The following AEBP2 variants were observed in gnomAD, a reference collection of about 807,000 sequenced individuals.
AEBP2 encodes zinc finger protein AEBP2.
A neutral mutation model predicts 50.8 loss-of-function variants in AEBP2; 10 were observed. The ratio of observed to expected loss-of-function variants is 0.20; its 90% CI spans 0.12 to 0.33. The LOEUF is 0.33. Ranked by LOEUF, AEBP2 falls within the 10% of genes least tolerant of loss-of-function variation. AEBP2 has a pLI of 1.00. For synonymous variants in AEBP2, 296 were observed against 261.3 expected (o/e 1.13, Z -1.28); for missense variants, 570 against 688.0 (o/e 0.83, Z 1.92).
At chr12:19,440,533 C>T in intron 1 of AEBP2, 163 bp downstream of exon 1, 1 of 1,379,386 alleles carries the variant, frequency 7.2e-7, no homozygotes, top group Non-Finnish European at 9.4e-7. Flanking sequence ...GCCGCCGCGC[C>T]CCTCTCGCAG....
intron 1 of AEBP2, chr12:19,457,512 G>A: frequency 6.7e-7 from 1 of 1,486,194 alleles, no homozygotes; most frequent in East Asian, 2.3e-5. Flanking sequence ...CATCTCAGCA[G>A]CCTCCTTCTC....
chr12:19,411,025 G>A (rs1319066976), intron 1 of AEBP2, among the ~76,000 whole-genome samples: 2 of 152,046 alleles, frequency 1.3e-5, no homozygotes, highest in African/African-American at 4.8e-5. Context: ...CAATGATTAA[G>A]TTCACTGGCT....
intron 1 of AEBP2, among the ~76,000 whole-genome samples, chr12:19,415,114 G>A (rs2095741501): frequency 6.7e-6 from 1 of 150,066 alleles, no homozygotes; most frequent in Non-Finnish European, 1.5e-5. Flanking sequence ...GTTCAAGACA[G>A]TCCTGGACAA....
At chr12:19,455,944 CT>C (rs34819318) in intron 1 of AEBP2, among the ~76,000 whole-genome samples, 470 of 140,766 alleles carry the variant, frequency 3.3e-3, no homozygotes, top group African/African-American at 0.012. Context: ...TCAAAGAGAT[CT>C]TTTTTTTTTT....
At chr12:19,469,839 T>C (rs1948543704) in intron 2 of AEBP2, among the ~76,000 whole-genome samples, 2 of 152,216 alleles carry the variant, frequency 1.3e-5, no homozygotes, top group East Asian at 1.9e-4. Context: ...CTGTGTCTTA[T>C]TCTGTTAAAA....
intron 5 of AEBP2, among the ~76,000 whole-genome samples, chr12:19,506,193 T>C (rs1386260289): frequency 1.3e-5 from 2 of 152,176 alleles, no homozygotes; most frequent in Admixed American, 6.6e-5. Flanking sequence ...GCCTCCCAGG[T>C]TCAAGTGATT....
chr12:19,462,812 G>A, intron 2 of AEBP2, 95 bp downstream of exon 2: 1 of 1,164,630 alleles, frequency 8.6e-7, no homozygotes, highest in Non-Finnish European at 1.2e-6. Context: ...AGTAATTTGG[G>A]ATTATTTTTA....
At chr12:19,502,793 C>T (rs527510723) in intron 5 of AEBP2, among the ~76,000 whole-genome samples, 52 of 152,130 alleles carry the variant, frequency 3.4e-4, no homozygotes, top group African/African-American at 9.2e-4. Flanking sequence ...GGATTACAGG[C>T]GTGTACCACC....
intron 5 of AEBP2, among the ~76,000 whole-genome samples, chr12:19,511,545 A>C (rs1474758704): frequency 6.6e-6 from 1 of 152,184 alleles, no homozygotes; most frequent in Non-Finnish European, 1.5e-5. Flanking sequence ...AAGTGATGCT[A>C]CTGAATTTGT....
At chr12:19,494,248 T>C (rs975900239) in intron 4 of AEBP2, among the ~76,000 whole-genome samples, 3 of 152,158 alleles carry the variant, frequency 2.0e-5, no homozygotes, top group Admixed American at 6.6e-5. Context: ...ATTTAAAATA[T>C]AGTAACATTG....
chr12:19,420,328 A>ATTTTTT (rs780103252), intron 1 of AEBP2, among the ~76,000 whole-genome samples: 4 of 76,582 alleles, frequency 5.2e-5, no homozygotes, highest in African/African-American at 5.5e-5. Context: ...TGTGCTGACC[A>ATTTTTT]TTTTTTTTTT....
intron 1 of AEBP2, among the ~76,000 whole-genome samples, chr12:19,428,276 T>A (rs2095749599): frequency 6.6e-6 from 1 of 152,126 alleles, no homozygotes; most frequent in South Asian, 2.1e-4. Context: ...GATTTCTTTC[T>A]CCCTTACAAA....
intron 1 of AEBP2, among the ~76,000 whole-genome samples, chr12:19,416,508 C>A (rs903715174): frequency 6.6e-6 from 1 of 151,518 alleles, no homozygotes; most frequent in African/African-American, 2.4e-5. Context: ...CAGGCTCAAG[C>A]GATTCTCCTG....
In AEBP2 at chr12:19,450,322, C is replaced by T. The variant is rs187110485; in HGVS notation, c.671+9952C>T. ...TAAATTTGGGACAATTTCTTTCTACCCTCAGTGTTGCTTTCTATGACCTTG... is the reference window on the plus strand; with the variant it reads ...TAAATTTGGGACAATTTCTTTCTACTCTCAGTGTTGCTTTCTATGACCTTG... On this transcript the variant is annotated intron_variant, in intron 1 of 7. Transcript: ENST00000266508. Among the ~76,000 whole-genome samples, 43 of 151,720 alleles carry T rather than the reference C, an allele frequency of 2.8e-4. 1 individual carries two copies. Among genetic ancestry groups the T allele is most frequent in the Admixed American group, 2.6e-3 (40 of 15,210 alleles).
At chr12:19,445,107 G>A (rs1429693778) in intron 1 of AEBP2, among the ~76,000 whole-genome samples, 2 of 152,172 alleles carry the variant, frequency 1.3e-5, no homozygotes, top group Non-Finnish European at 2.9e-5. Context: ...AGATTGCAAT[G>A]TGAATTGTAG....
chr12:19,439,524 TGTCCCCGCGCG>T lies in AEBP2; in HGVS notation c.-174_-164del. The T allele has an allele frequency of 2.4e-6, 2 of 818,504 alleles. No individual in the cohort carries two copies. Among genetic ancestry groups the T allele is most frequent in the Non-Finnish European group, 3.6e-6 (2 of 558,394 alleles). The allele number at this position is 818,504 out of a possible 1,614,324, so 50.7% of individuals were successfully genotyped here. A position where few individuals can be genotyped will look rare whatever the true frequency, so the allele number is the denominator to read the frequency against. ...GTGTGAGTGCGCGTAGTCGCGCGCCTGTCCCCGCGCGGGCTCCGTAGCGCGTGTGCAGGCTG... is the reference window on the plus strand; with the variant it reads ...GTGTGAGTGCGCGTAGTCGCGCGCCTGGCTCCGTAGCGCGTGTGCAGGCTG... On this transcript the variant is annotated 5_prime_UTR_variant, in exon 1 of 8. Coordinates refer to ENST00000266508, the MANE Select transcript of AEBP2 (RefSeq NM_153207.5).
intron 3 of AEBP2, among the ~76,000 whole-genome samples, chr12:19,491,067 A>C (rs1438964078): frequency 6.6e-6 from 1 of 152,204 alleles, no homozygotes; most frequent in East Asian, 1.9e-4. Flanking sequence ...GTTGAGTAGC[A>C]ATATTTGGCT....
chr12:19,469,422 C>T (rs1002325044), intron 2 of AEBP2, among the ~76,000 whole-genome samples: 3 of 152,106 alleles, frequency 2.0e-5, no homozygotes, highest in Non-Finnish European at 4.4e-5. Flanking sequence ...CACGTGTGCT[C>T]AGAGTATTTC....
At position 19,439,897 on chromosome 12, in the gene AEBP2, C is replaced by A; in HGVS notation, c.198C>A (p.Gly66=). The A allele has an allele frequency of 6.8e-7, 1 of 1,476,496 alleles. No homozygotes were observed. Among genetic ancestry groups the A allele is most frequent in the Non-Finnish European group, 8.9e-7 (1 of 1,122,796 alleles). The allele number at this position is 1,476,496 out of a possible 1,614,324, so 91.5% of individuals were successfully genotyped here. Residue 66 remains glycine, a synonymous_variant, in exon 1 of 8, where the codon GGC becomes GGA. Coordinates refer to ENST00000266508, the MANE Select transcript of AEBP2 (RefSeq NM_153207.5). ...TGCTGAACGGCGGCAGCGGTGGGGGCGGCGGAGGCGGCGGCGGAGGAGTGG... is the reference window on the plus strand; with the variant it reads ...TGCTGAACGGCGGCAGCGGTGGGGGAGGCGGAGGCGGCGGCGGAGGAGTGG... The part of the protein sequence containing the change: ...ALLLNGGSGG[G]GGGGGGGVGG...
Sources: gnomAD v4.1 joint callset for allele counts (sites outside exome capture counted in the v4.1 genomes callset) on GRCh38, gnomAD v4.1.1 for gene constraint, MANE v1.5 for transcripts, NCBI Gene and HGNC (gene_info 2026-07-23, HGNC 2026-07-21) for gene names.